The following BAZ1A variants were observed in gnomAD, a reference collection of about 807,000 sequenced individuals.
BAZ1A encodes the protein bromodomain adjacent to zinc finger domain protein 1A.
Under a neutral mutation model 185.2 loss-of-function variants are expected in BAZ1A, and 50 were observed. The ratio of observed to expected loss-of-function variants is 0.27; its 90% CI spans 0.22 to 0.34. The LOEUF is 0.34. Ranked by LOEUF, BAZ1A falls within the 10% of genes least tolerant of loss-of-function variation. The pLI, the probability that BAZ1A is intolerant of heterozygous loss-of-function variation, is 1.00. For missense variants in BAZ1A, 1,356 were observed against 1,839.9 expected (o/e 0.74, Z 4.81); for synonymous variants, 571 against 615.6 (o/e 0.93, Z 1.07).
chr14:34,756,464 C>CTTTTTTTTTTTTTTTTTTTTTT (rs1343693112), intron 25 of BAZ1A, among the ~76,000 whole-genome samples: 2 of 107,168 alleles, frequency 1.9e-5, no homozygotes, highest in Non-Finnish European at 3.6e-5. Flanking sequence ...GCCAGAATAC[C>CTTTTTTTTTTTTTTTTTTTTTT]TATTTTTTTT....
rs763855442 is a variant in BAZ1A, at chr14:34,783,932, C to CA, written c.1832-6dup. 1.3e-5 allele frequency: 20 copies of CA among 1,579,954 alleles called. No individual in the cohort carries two copies. Among genetic ancestry groups the CA allele is most frequent in the Non-Finnish European group, 1.7e-5 (20 of 1,168,040 alleles). ...GGAGTATCTTCATTTTTTCTCCTGT[C>CA]AAAAATTGGTAAATACTTCTGTATT... On this transcript the variant is annotated splice_polypyrimidine_tract_variant and splice_region_variant and intron_variant, in intron 14 of 26. Transcript: ENST00000360310.
At chr14:34,818,699 C>T (rs1396729423) in intron 4 of BAZ1A, among the ~76,000 whole-genome samples, 1 of 152,136 alleles carries the variant, frequency 6.6e-6, no homozygotes, top group African/African-American at 2.4e-5. Flanking sequence ...CATGAATCTT[C>T]CATTTGTCTT....
At chr14:34,829,859 T>C (rs1016613989) in intron 3 of BAZ1A, among the ~76,000 whole-genome samples, 3 of 152,168 alleles carry the variant, frequency 2.0e-5, no homozygotes, top group Middle Eastern at 3.2e-3. Context: ...CCAAAATATA[T>C]AGTGATTCCC....
At chr14:34,758,259 C>T (rs993404974) in intron 25 of BAZ1A, among the ~76,000 whole-genome samples, 5 of 151,534 alleles carry the variant, frequency 3.3e-5, no homozygotes, top group Non-Finnish European at 5.9e-5. Flanking sequence ...CCGGCCTGGG[C>T]GACAGAAACC....
chr14:34,778,916 G>A (rs557139789), intron 17 of BAZ1A, among the ~76,000 whole-genome samples: 13 of 152,236 alleles, frequency 8.5e-5, no homozygotes, highest in East Asian at 3.9e-4. Context: ...GTGCAGTGGC[G>A]CAATCAGGGC....
chr14:34,777,362 C>T (rs902694278), intron 17 of BAZ1A, among the ~76,000 whole-genome samples: 2 of 152,130 alleles, frequency 1.3e-5, no homozygotes, highest in Admixed American at 6.5e-5. Flanking sequence ...TGTAAAAATC[C>T]GGCTGGCGCG....
intron 12 of BAZ1A, 64 bp from the exon 13 acceptor site, chr14:34,786,285 C>T (rs1344221874): frequency 5.6e-6 from 8 of 1,421,366 alleles, no homozygotes; most frequent in African/African-American, 2.9e-5. Context: ...GAATAATGCC[C>T]GTTTTAAATG....
chr14:34,781,304 T>C lies in BAZ1A; in HGVS notation c.2112-994A>G, dbSNP rs112306501. ...AATCACCATTTTAAAGTGTACAATT[T>C]AGTGGTCTTTAGTGTATTCACAAGG... On this transcript the variant is annotated intron_variant, in intron 16 of 26. Transcript: ENST00000360310. Among the ~76,000 whole-genome samples, 491 of 152,340 alleles carry C rather than the reference T, an allele frequency of 3.2e-3. 3 individuals carry two copies. The highest frequency in any genetic ancestry group is 0.011 in the African/African-American group (472 of 41,590).
intron 3 of BAZ1A, among the ~76,000 whole-genome samples, chr14:34,858,617 C>A (rs914151421): frequency 2.6e-5 from 4 of 151,266 alleles, no homozygotes; most frequent in Non-Finnish European, 1.5e-5. Context: ...ACCTGGCCCA[C>A]AATTTAAAAA....
chr14:34,818,561 G>A (rs534604108), intron 4 of BAZ1A, among the ~76,000 whole-genome samples: 62 of 152,008 alleles, frequency 4.1e-4, no homozygotes, highest in Non-Finnish European at 7.6e-4. Flanking sequence ...ATATTCTATG[G>A]GTTTTCACAA....
chr14:34,831,421 A>G (rs1422237133), intron 3 of BAZ1A, among the ~76,000 whole-genome samples: 1 of 152,224 alleles, frequency 6.6e-6, no homozygotes, highest in Non-Finnish European at 1.5e-5. Context: ...GTCGGCAGCC[A>G]TATATCCTGC....
chr14:34,770,989 T>C (rs552513913), intron 21 of BAZ1A, among the ~76,000 whole-genome samples: 84 of 152,158 alleles, frequency 5.5e-4, no homozygotes, highest in African/African-American at 1.9e-3. Context: ...TGACTAGTTA[T>C]AGGTTTTGGT....
rs938668316 is a variant in BAZ1A at position 34,872,016 on chromosome 14, A to G, written c.113+2476T>C. ...CTTTGTAATCATTTGCGAGAAACAG[A>G]AAGTAATTCAAAATGTAACATGATT... is the stretch of plus-strand genomic sequence containing the variant. On this transcript the variant is annotated intron_variant, in intron 2 of 26. Transcript: ENST00000360310. 5.9e-5 allele frequency among the ~76,000 whole-genome samples: 9 copies of G among 152,352 alleles called. No individual in the cohort carries two copies. In the East Asian group the frequency reaches 1.7e-3, roughly 29 times the overall value.
chr14:34,837,848 C>A (rs541512105), intron 3 of BAZ1A, among the ~76,000 whole-genome samples: 2 of 152,198 alleles, frequency 1.3e-5, no homozygotes, highest in South Asian at 4.1e-4. Flanking sequence ...CTCCTTACAG[C>A]AAGGTTAACA....
chr14:34,833,645 T>A (rs1566587065), intron 3 of BAZ1A, among the ~76,000 whole-genome samples: 1 of 151,950 alleles, frequency 6.6e-6, no homozygotes, highest in African/African-American at 2.4e-5. Context: ...ATAGGCAAAT[T>A]CACAGAGAAA....
chr14:34,778,379 TTC>T (rs916964727), intron 17 of BAZ1A, among the ~76,000 whole-genome samples: 3 of 152,220 alleles, frequency 2.0e-5, no homozygotes, highest in Non-Finnish European at 4.4e-5. Context: ...GGAATTAAAT[TTC>T]TCTGTTGTTT....
At chr14:34,761,698 T>G in intron 24 of BAZ1A, 59 bp downstream of exon 24, 1 of 1,414,554 alleles carries the variant, frequency 7.1e-7, no homozygotes, top group Non-Finnish European at 9.7e-7. Flanking sequence ...ATCTCAACAT[T>G]CGATATTTCC....
chr14:34,824,408 C>CACAAACA (rs2042134318), intron 4 of BAZ1A, among the ~76,000 whole-genome samples: 1 of 65,772 alleles, frequency 1.5e-5, no homozygotes, highest in Non-Finnish European at 2.5e-5. Context: ...AGCAGCAACT[C>CACAAACA]AAAAAAAAAA....
At chr14:34,782,308 C>T (rs536823462) in intron 16 of BAZ1A, among the ~76,000 whole-genome samples, 1 of 152,258 alleles carries the variant, frequency 6.6e-6, no homozygotes, top group East Asian at 1.9e-4. Context: ...ATGTACATTT[C>T]CCAGATGATT....
Sources: allele counts gnomAD v4.1 joint callset (sites outside exome capture counted in the v4.1 genomes callset), GRCh38; gene constraint gnomAD v4.1.1; transcripts MANE v1.5; gene names NCBI Gene and HGNC (gene_info 2026-07-23, HGNC 2026-07-21).